GPR107: variants seen among roughly 807,000 people sequenced by gnomAD.
GPR107 encodes protein GPR107.
In GPR107, 31 loss-of-function variants were observed where a neutral mutation model predicts 75.5. The observed-to-expected ratio is 0.41, with a 90% CI of 0.31 to 0.55. The LOEUF is 0.55. GPR107 is among the 20% of genes least tolerant of loss of function. GPR107 has a pLI of 0.26. For missense variants in GPR107, 572 were observed against 665.7 expected (o/e 0.86, Z 1.55); for synonymous variants, 267 against 251.3 (o/e 1.06, Z -0.59).
At chr9:130,097,981 A>C (rs1240148799) in intron 9 of GPR107, among the ~76,000 whole-genome samples, 1 of 152,162 alleles carries the variant, frequency 6.6e-6, no homozygotes, top group African/African-American at 2.4e-5. Flanking sequence ...TCCTGGGCTC[A>C]AGTGATCCTC....
At position 130,054,616 on chromosome 9, in the gene GPR107, G is replaced by A. The variant is rs1024012684; in HGVS notation, c.141+543G>A. 2.6e-5 allele frequency among the ~76,000 whole-genome samples: 4 copies of A among 152,294 alleles called. No individual in the cohort carries two copies. The South Asian group carries it at 6.2e-4, about 24-fold the overall frequency. On this transcript the variant is annotated intron_variant, in intron 1 of 17. Coordinates refer to ENST00000347136, the MANE Select transcript of GPR107 (RefSeq NM_020960.5). ...CTGAGAATGTAAAGCCAGCATTAAG[G>A]TGTGTCTCTAATCAAAGGGCCTGCT...
chr9:130,080,997 T>C (rs1830483065), intron 5 of GPR107, among the ~76,000 whole-genome samples: 1 of 145,266 alleles, frequency 6.9e-6, no homozygotes. Flanking sequence ...ATCACTTGAG[T>C]CTAGGAGCTT....
intron 9 of GPR107, among the ~76,000 whole-genome samples, chr9:130,096,467 A>AG (rs1830871561): frequency 1.3e-5 from 1 of 78,560 alleles, no homozygotes; most frequent in Non-Finnish European, 2.3e-5. Flanking sequence ...ACATTTTTGG[A>AG]CTTTTTTTTT....
rs71387311 is a variant in GPR107 at position 130,085,754 on chromosome 9, A to ATTTTTT, written c.565-654_565-649dup. Among the ~76,000 whole-genome samples the ATTTTTT allele has an allele frequency of 3.9e-3, 306 of 78,668 alleles. 51 individuals carry two copies. Among genetic ancestry groups the ATTTTTT allele is most frequent in the East Asian group, 0.015 (31 of 2,028 alleles). 51.6% of individuals were successfully genotyped at this position (78,668 alleles called of 152,430 possible). On this transcript the variant is annotated intron_variant, in intron 6 of 17. Transcript: ENST00000347136. ...TTACTGTATAAATGGCAATATTTTGATTTTTTTTTTTTTTTTTGCCGGGGG... is the reference window on the plus strand; with the variant it reads ...TTACTGTATAAATGGCAATATTTTGATTTTTTTTTTTTTTTTTTTTTTTGCCGGGGG...
chr9:130,056,363 T>C (rs537940234), intron 1 of GPR107, among the ~76,000 whole-genome samples: 1 of 151,846 alleles, frequency 6.6e-6, no homozygotes, highest in East Asian at 1.9e-4. Flanking sequence ...GGCAGGAGAA[T>C]CGCTTGGACC....
chr9:130,096,793 T>A (rs1366682141), intron 9 of GPR107, among the ~76,000 whole-genome samples: 3 of 152,228 alleles, frequency 2.0e-5, no homozygotes, highest in Admixed American at 2.0e-4. Flanking sequence ...TATAGATAAG[T>A]ACTGTTTACT....
intron 1 of GPR107, among the ~76,000 whole-genome samples, chr9:130,071,059 A>ATT: frequency 8.6e-6 from 1 of 115,966 alleles, no homozygotes; most frequent in Non-Finnish European, 1.8e-5. Flanking sequence ...TTTTTGAGAC[A>ATT]GAGTCACACT....
Position 130,079,742 on chromosome 9 carries a change from G to A in GPR107, c.499G>A (p.Ala167Thr). ...SQEPNVNPAS[A>T]GNQTQKTQDG... ...GGAGCCTAATGTTAACCCTGCTTCA[G>A]CAGGCAACCAGACCCAGAAGACACA... Residue 167 changes from alanine (A) to threonine (T), a missense_variant, in exon 5 of 18, where the codon GCA becomes ACA. Transcript: ENST00000347136. 6.2e-7 allele frequency: 1 copy of A among 1,612,434 alleles called. No individual in the cohort carries two copies. Among genetic ancestry groups the A allele is most frequent in the Non-Finnish European group, 8.5e-7 (1 of 1,179,058 alleles).
At chr9:130,132,601 A>G (rs1322877684) in intron 17 of GPR107, among the ~76,000 whole-genome samples, 2 of 152,172 alleles carry the variant, frequency 1.3e-5, no homozygotes, top group Non-Finnish European at 2.9e-5. Context: ...AGTCTCGCCA[A>G]CATGGTGAAA....
chr9:130,077,451 T>A, intron 4 of GPR107, 73 bp downstream of exon 4: 1 of 804,560 alleles, frequency 1.2e-6, no homozygotes, highest in Non-Finnish European at 2.2e-6. Context: ...ATGCTAACAT[T>A]CCTTGGGTGT....
intron 1 of GPR107, among the ~76,000 whole-genome samples, chr9:130,073,102 C>T (rs1188540309): frequency 6.6e-6 from 1 of 152,176 alleles, no homozygotes; most frequent in Non-Finnish European, 1.5e-5. Context: ...ACTGTCTTCA[C>T]CTCCGTCACC....
chr9:130,062,840 C>T (rs1182563302), intron 1 of GPR107, among the ~76,000 whole-genome samples: 1 of 152,178 alleles, frequency 6.6e-6, no homozygotes, highest in Non-Finnish European at 1.5e-5. Context: ...CTGCCTCAGC[C>T]TGCCTGCCTA....
chr9:130,093,915 A>T (rs1468131531), intron 9 of GPR107, among the ~76,000 whole-genome samples: 1 of 152,112 alleles, frequency 6.6e-6, no homozygotes, highest in African/African-American at 2.4e-5. Context: ...TCTGGGTTCA[A>T]GCGATTCTGG....
In GPR107 at chr9:130,138,293, C is replaced by T. The variant is rs1473771674; in HGVS notation, c.*3172C>T. 1.3e-5 allele frequency: 2 copies of T among 152,212 alleles called. No individual in the cohort carries two copies. The highest frequency in any genetic ancestry group is 4.8e-5 in the African/African-American group (2 of 41,446). The allele number at this position is 152,212 out of a possible 1,614,324, so 9.4% of individuals were successfully genotyped here. On this transcript the variant is annotated 3_prime_UTR_variant, in exon 18 of 18. Coordinates refer to ENST00000347136, the MANE Select transcript of GPR107 (RefSeq NM_020960.5). ...ATATCCAGGGTTTCCCCGCCCTGGACATGTCCAGCCTGCCCAGGCAGCACA... is the reference window on the plus strand; with the variant it reads ...ATATCCAGGGTTTCCCCGCCCTGGATATGTCCAGCCTGCCCAGGCAGCACA...
At chr9:130,058,969 C>T (rs74694338) in intron 1 of GPR107, among the ~76,000 whole-genome samples, 3,306 of 152,234 alleles carry the variant, frequency 0.022, 48 homozygotes, top group Middle Eastern at 0.034. Flanking sequence ...GTGCCATAAA[C>T]GTTCACATTG....
At chr9:130,063,153 C>T (rs1225982911) in intron 1 of GPR107, among the ~76,000 whole-genome samples, 1 of 152,088 alleles carries the variant, frequency 6.6e-6, no homozygotes, top group Non-Finnish European at 1.5e-5. Context: ...ATCTATTAAG[C>T]AGCTGCTCTT....
chr9:130,102,642 A>G (rs1831063028), intron 12 of GPR107, among the ~76,000 whole-genome samples: 1 of 152,218 alleles, frequency 6.6e-6, no homozygotes, highest in Non-Finnish European at 1.5e-5. Context: ...CTAAGTAAGG[A>G]GTAGATGATG....
At chr9:130,128,086 T>C (rs1831727607) in intron 16 of GPR107, among the ~76,000 whole-genome samples, 1 of 152,216 alleles carries the variant, frequency 6.6e-6, no homozygotes, top group Non-Finnish European at 1.5e-5. Context: ...CTGAAAATAA[T>C]TGCATTCTTG....
intron 1 of GPR107, among the ~76,000 whole-genome samples, chr9:130,064,347 G>A (rs949398653): frequency 7.3e-5 from 11 of 150,438 alleles, no homozygotes; most frequent in African/African-American, 2.2e-4. Flanking sequence ...ACAGGCGCCC[G>A]CCACCGCGCC....
Sources: gnomAD v4.1 joint callset for allele counts (sites outside exome capture counted in the v4.1 genomes callset) on GRCh38, gnomAD v4.1.1 for gene constraint, MANE v1.5 for transcripts, NCBI Gene and HGNC (gene_info 2026-07-23, HGNC 2026-07-21) for gene names.